PRDM5: variants seen among roughly 807,000 people sequenced by gnomAD.
The protein encoded by PRDM5 is PR domain zinc finger protein 5.
PRDM5 carries 56 observed loss-of-function variants against 81.2 expected under a neutral mutation model. That is an observed-to-expected ratio of 0.69 (90% CI 0.56 to 0.86). The LOEUF (loss-of-function observed/expected upper bound fraction) is 0.86, where lower values mean the gene tolerates loss of function less well. PRDM5 is among the 40% of genes least tolerant of loss of function. The probability of loss-of-function intolerance (pLI) is 0.00; values close to 1 mark genes in which losing one functional copy is unlikely to be tolerated. For synonymous variants in PRDM5, 267 were observed against 256.4 expected (o/e 1.04, Z -0.39); for missense variants, 697 against 770.1 (o/e 0.91, Z 1.12).
chr4:120,716,820 T>C (rs557258794), intron 14 of PRDM5, among the ~76,000 whole-genome samples: 1 of 152,274 alleles, frequency 6.6e-6, no homozygotes, highest in Admixed American at 6.5e-5. Context: ...GCCACTCACC[T>C]CTAAAGTTAA....
At chr4:120,734,421 T>TACACACACACACACAC (rs149559268) in intron 14 of PRDM5, among the ~76,000 whole-genome samples, 38 of 138,182 alleles carry the variant, frequency 2.8e-4, no homozygotes, top group African/African-American at 9.0e-4. Context: ...CACACACAAA[T>TACACACACACACACAC]ACACACACAC....
chr4:120,688,026 G>A (rs1021864269), downstream of PRDM5, among the ~76,000 whole-genome samples: 6 of 152,000 alleles, frequency 3.9e-5, no homozygotes, highest in African/African-American at 1.4e-4. Flanking sequence ...TGGATCATAC[G>A]GTCTTTTTAT....
chr4:120,909,019 G>A (rs1177238932), intron 1 of PRDM5, among the ~76,000 whole-genome samples: 1 of 152,162 alleles, frequency 6.6e-6, no homozygotes, highest in East Asian at 1.9e-4. Context: ...ACAAGAACAG[G>A]GGAGAAGAGT....
intron 12 of PRDM5, among the ~76,000 whole-genome samples, chr4:120,779,261 A>G (rs982819468): frequency 6.6e-6 from 1 of 152,192 alleles, no homozygotes; most frequent in Non-Finnish European, 1.5e-5. Flanking sequence ...GTATAATACT[A>G]AACTACCTTA....
At position 120,818,271 on chromosome 4, in the gene PRDM5, C is replaced by G. The variant is rs1332522154; in HGVS notation, c.650+82G>C. 11 of 1,468,154 alleles carry G rather than the reference C, an allele frequency of 7.5e-6. No individual in the cohort carries two copies. The Admixed American group carries it at 8.8e-5, about 12-fold the overall frequency. The allele number at this position is 1,468,154 out of a possible 1,614,324, so 90.9% of individuals were successfully genotyped here. A position where few individuals can be genotyped will look rare whatever the true frequency, so the allele number is the denominator to read the frequency against. On this transcript the variant is annotated intron_variant, in intron 5 of 15. Coordinates refer to ENST00000264808, the MANE Select transcript of PRDM5 (RefSeq NM_018699.4). Reference sequence around the variant, plus strand: ...GTGCGCGCGTGCACACACACACACACAGGTTAAAAACTATGAGTTAAGCTG... The same window carrying G: ...GTGCGCGCGTGCACACACACACACAGAGGTTAAAAACTATGAGTTAAGCTG...
chr4:120,768,141 A>G (rs921108836), intron 13 of PRDM5, among the ~76,000 whole-genome samples: 1 of 152,264 alleles, frequency 6.6e-6, no homozygotes, highest in African/African-American at 2.4e-5. Flanking sequence ...AAACTTTCAC[A>G]GTACTAAAAT....
At chr4:120,879,956 A>T (rs1762682973) in intron 2 of PRDM5, among the ~76,000 whole-genome samples, 1 of 152,172 alleles carries the variant, frequency 6.6e-6, no homozygotes, top group South Asian at 2.1e-4. Context: ...ATATGTCATT[A>T]TGCATCTGTC....
Position 120,695,118 on chromosome 4 carries a change from T to C in PRDM5, c.1886A>G (p.Asp629Gly), listed in dbSNP as rs1734366901. Residue 629 changes from aspartate (D) to glycine (G), a missense_variant, in exon 16 of 16, where the codon GAC becomes GGC. Around this residue, in one of 3 missense-constraint regions of PRDM5, gnomAD observed 34 missense variants for 28.1 expected, o/e 1.21. Transcript: ENST00000264808. ...VHMDNIHGVADS is the reference protein window; with the variant it reads ...VHMDNIHGVAGS ...ATTCCTTTACAGCCCCTATTAGCTG[T>C]CAGCTACACCATGGATATTGTCCAT... 1 of 1,612,810 alleles carries C rather than the reference T, an allele frequency of 6.2e-7. No individual in the cohort carries two copies. Among genetic ancestry groups the C allele is most frequent in the African/African-American group, 1.3e-5 (1 of 74,868 alleles).
At chr4:120,802,766 G>C (rs556590902) in intron 8 of PRDM5, among the ~76,000 whole-genome samples, 1 of 152,170 alleles carries the variant, frequency 6.6e-6, no homozygotes, top group Admixed American at 6.5e-5. Flanking sequence ...AAAAAGCAGA[G>C]CAGAAAAGCT....
At chr4:120,854,325 T>C (rs1759626574) in intron 2 of PRDM5, among the ~76,000 whole-genome samples, 1 of 152,086 alleles carries the variant, frequency 6.6e-6, no homozygotes, top group South Asian at 2.1e-4. Context: ...TTATAAAACT[T>C]ATATACCAAT....
At chr4:120,809,210 A>C (rs1753471111) in intron 8 of PRDM5, among the ~76,000 whole-genome samples, 1 of 139,660 alleles carries the variant, frequency 7.2e-6, no homozygotes, top group Admixed American at 7.3e-5. Context: ...ACTTGGACAC[A>C]GGGTGGGGAA....
chr4:120,806,786 T>C (rs1401029919), intron 8 of PRDM5, among the ~76,000 whole-genome samples: 1 of 152,180 alleles, frequency 6.6e-6, no homozygotes, highest in African/African-American at 2.4e-5. Context: ...GACATAGGCA[T>C]GGGCAAGGAC....
At chr4:120,881,705 T>C (rs1762861429) in intron 2 of PRDM5, among the ~76,000 whole-genome samples, 1 of 152,324 alleles carries the variant, frequency 6.6e-6, no homozygotes, top group South Asian at 2.1e-4. Flanking sequence ...AATAACTGTA[T>C]GGAAAGTATT....
chr4:120,823,717 C>T (rs538415098), intron 3 of PRDM5, among the ~76,000 whole-genome samples: 112 of 152,306 alleles, frequency 7.4e-4, no homozygotes, highest in Non-Finnish European at 1.2e-3. Context: ...CCATTTTGTC[C>T]ACCTGGAGGC....
intron 13 of PRDM5, among the ~76,000 whole-genome samples, chr4:120,758,802 C>T (rs1274350521): frequency 6.6e-6 from 1 of 151,234 alleles, no homozygotes; most frequent in Non-Finnish European, 1.5e-5. Flanking sequence ...GTTGCCCAGG[C>T]TGGAGTGCAG....
intron 14 of PRDM5, among the ~76,000 whole-genome samples, chr4:120,735,145 A>G (rs1249821597): frequency 2.0e-5 from 3 of 152,228 alleles, no homozygotes; most frequent in Non-Finnish European, 4.4e-5. Flanking sequence ...GTGAAGTTAA[A>G]TAGAAACTGT....
intron 2 of PRDM5, among the ~76,000 whole-genome samples, chr4:120,901,009 T>A (rs928667781): frequency 6.6e-6 from 1 of 152,234 alleles, no homozygotes; most frequent in African/African-American, 2.4e-5. Flanking sequence ...AGCACTTTTA[T>A]ATATGTCCTC....
Position 120,685,808 on chromosome 4 carries a change from T to C in PRDM5, n.104-783A>G, listed in dbSNP as rs575745955. Among the ~76,000 whole-genome samples, 12 of 152,256 alleles carry C rather than the reference T, an allele frequency of 7.9e-5. No homozygotes were observed. The East Asian group carries it at 1.9e-3, about 25-fold the overall frequency. On this transcript the variant is annotated intron_variant and non_coding_transcript_variant, in intron 1 of 1. Coordinates refer to the PRDM5 transcript ENST00000513741. ...TTATCATCTTTTCAAATTTATGGTC[T>C]TTCTTCCCTCCTTTTCTTTTTGTCC...
chr4:120,728,666 C>T (rs566045200), intron 14 of PRDM5, among the ~76,000 whole-genome samples: 1 of 152,172 alleles, frequency 6.6e-6, no homozygotes, highest in African/African-American at 2.4e-5. Context: ...CAACATCTAC[C>T]CCGCCCCCTG....
Sources: gnomAD v4.1 joint callset for allele counts (sites outside exome capture counted in the v4.1 genomes callset) on GRCh38, gnomAD v4.1.1 for gene constraint, gnomAD v4.1.1 regional missense constraint, MANE v1.5 for transcripts, NCBI Gene and HGNC (gene_info 2026-07-23, HGNC 2026-07-21) for gene names.